NOVA2: variants seen among roughly 807,000 people sequenced by gnomAD.
The protein encoded by NOVA2 is NOVA alternative splicing regulator 2, also known as RNA-binding protein Nova-2.
In NOVA2, 9 loss-of-function variants were observed where a neutral mutation model predicts 22.5. That is an observed-to-expected ratio of 0.40 (90% confidence interval 0.24 to 0.70). The LOEUF (loss-of-function observed/expected upper bound fraction) is 0.70. Ranked by LOEUF, NOVA2 falls within the 30% of genes least tolerant of loss-of-function variation. The pLI, the probability that NOVA2 is intolerant of heterozygous loss-of-function variation, is 0.38. For synonymous variants in NOVA2, 318 were observed against 335.2 expected (o/e 0.95, Z 0.56); for missense variants, 383 against 682.8 (o/e 0.56, Z 4.89).
intron 2 of NOVA2, among the ~76,000 whole-genome samples, chr19:45,954,748 G>A (rs1054633761): frequency 2.4e-4 from 37 of 151,730 alleles, no homozygotes; most frequent in African/African-American, 9.0e-4. Flanking sequence ...GAGTGTTAGG[G>A]AGTGGGGGCA....
chr19:45,945,058 C>A (rs1347043296), intron 3 of NOVA2, among the ~76,000 whole-genome samples: 2 of 152,032 alleles, frequency 1.3e-5, no homozygotes, highest in Non-Finnish European at 2.9e-5. Context: ...TGTAATCCAG[C>A]ACTTTGGGAG....
chr19:45,964,843 G>A (rs1453082619), intron 1 of NOVA2, among the ~76,000 whole-genome samples: 2 of 152,122 alleles, frequency 1.3e-5, no homozygotes, highest in Non-Finnish European at 2.9e-5. Context: ...TTACAGGCGT[G>A]AGTCACCATG....
Position 45,940,678 on chromosome 19 carries a change from C to T in NOVA2, c.664G>A (p.Ala222Thr). 6.3e-7 allele frequency: 1 copy of T among 1,598,184 alleles called. No individual in the cohort carries two copies. The change falls in exon 4 of 4, where the codon GCC becomes ACC. Residue 222 changes from alanine (A) to threonine (T), a missense_variant. Transcript: ENST00000263257. ...GGAGAGCCGGTGGGGTTGGAGTTGG[C>T]CACGGGGCCTGCCACGTTGGCGTAG... Reference protein sequence around the residue: ...ISYANVAGPVANSNPTGSPYA... With the variant: ...ISYANVAGPVTNSNPTGSPYA...
intron 1 of NOVA2, among the ~76,000 whole-genome samples, chr19:45,966,342 T>C (rs530261190): frequency 3.4e-4 from 52 of 152,342 alleles, no homozygotes; most frequent in African/African-American, 1.3e-3. Flanking sequence ...TTCCAGTCCT[T>C]GGTTCAGGTG....
chr19:45,962,333 C>G (rs939039998), intron 1 of NOVA2: 1 of 152,746 alleles, frequency 6.5e-6, no homozygotes, highest in African/African-American at 2.4e-5. Context: ...CTCACAACCT[C>G]CCGGTGAGGC....
intron 3 of NOVA2, among the ~76,000 whole-genome samples, chr19:45,946,432 G>A (rs554246293): frequency 6.6e-6 from 1 of 152,328 alleles, no homozygotes; most frequent in African/African-American, 2.4e-5. Context: ...ATATTTTAGG[G>A]CAATTTGAAT....
chr19:45,961,523 CAGGAAA>C (rs1968096084), intron 1 of NOVA2, among the ~76,000 whole-genome samples: 1 of 150,958 alleles, frequency 6.6e-6, no homozygotes, highest in Admixed American at 6.6e-5. Context: ...ACAAAAAAGG[CAGGAAA>C]AGGGGGTCAG....
At chr19:45,960,010 G>A (rs1968071916) in intron 2 of NOVA2, among the ~76,000 whole-genome samples, 2 of 151,964 alleles carry the variant, frequency 1.3e-5, no homozygotes. Context: ...TCGGGCATTG[G>A]TCTTGGGAGG....
Position 45,936,184 on chromosome 19 carries a change from C to G in NOVA2, c.*3679G>C, listed in dbSNP as rs192509887. 6.6e-6 allele frequency: 1 copy of G among 152,164 alleles called. No homozygotes were observed. The highest frequency in any genetic ancestry group is 1.5e-5 in the Non-Finnish European group (1 of 68,026). 9.4% of individuals were successfully genotyped at this position (152,164 alleles called of 1,614,324 possible). On this transcript the variant is annotated 3_prime_UTR_variant, in exon 4 of 4. Transcript: ENST00000263257. ...CTCTTCTCATAGGAGCTTTGAGGTCCTTCTCTTGAATCCAGTTGGTACCGC... is the reference window on the plus strand; with the variant it reads ...CTCTTCTCATAGGAGCTTTGAGGTCGTTCTCTTGAATCCAGTTGGTACCGC...
In NOVA2 at chr19:45,934,165, C is replaced by A. The variant is rs1297484036; in HGVS notation, c.*5698G>T. On this transcript the variant is annotated 3_prime_UTR_variant, in exon 4 of 4. Coordinates refer to ENST00000263257, the MANE Select transcript of NOVA2 (RefSeq NM_002516.4). ...GGAGAACCAAGGGACCTTAGAGGTC[C>A]TCCAGTCCTCCCCATATTCCAAGAG... The A allele has an allele frequency of 2.0e-5, 3 of 152,168 alleles. No individual in the cohort carries two copies. The highest frequency in any genetic ancestry group is 4.4e-5 in the Non-Finnish European group (3 of 68,046). 9.4% of individuals were successfully genotyped at this position (152,168 alleles called of 1,614,324 possible).
At chr19:45,946,913 C>T (rs907574650) in intron 3 of NOVA2, among the ~76,000 whole-genome samples, 15 of 151,462 alleles carry the variant, frequency 9.9e-5, no homozygotes, top group East Asian at 7.8e-4. Context: ...ATTGTGTGTG[C>T]GCACGCGCAT....
chr19:45,971,222 T>C (rs1429606854), intron 1 of NOVA2, among the ~76,000 whole-genome samples: 1 of 152,162 alleles, frequency 6.6e-6, no homozygotes, highest in African/African-American at 2.4e-5. Flanking sequence ...TTAGCAGCAG[T>C]GGCATCAGTG....
At chr19:45,972,507 C>T (rs547440571) in intron 1 of NOVA2, among the ~76,000 whole-genome samples, 22 of 152,258 alleles carry the variant, frequency 1.4e-4, no homozygotes, top group African/African-American at 5.1e-4. Context: ...CTGCCACAGC[C>T]CCCTTGGGGG....
At position 45,944,460 on chromosome 19, in the gene NOVA2, AAAC is replaced by A. The variant is rs143895877; in HGVS notation, c.397-3518_397-3516del. Among the ~76,000 whole-genome samples the A allele has an allele frequency of 2.6e-3, 402 of 152,260 alleles. 3 individuals are homozygous for A. Among genetic ancestry groups the A allele is most frequent in the African/African-American group, 9.4e-3 (389 of 41,546 alleles). ...TGTTTCAAAAACAAAACAAAACAAA[AAAC>A]AAAAACAACAACAAAGAAGCAAAAA... On this transcript the variant is annotated intron_variant, in intron 3 of 3. Transcript: ENST00000263257.
intron 2 of NOVA2, among the ~76,000 whole-genome samples, chr19:45,958,450 ATGTG>A (rs1043202096): frequency 2.6e-4 from 37 of 144,330 alleles, no homozygotes; most frequent in Non-Finnish European, 4.5e-4. Context: ...ACGTGTGACA[ATGTG>A]TGTGTAAGCG....
At chr19:45,956,196 T>C (rs1968003574) in intron 2 of NOVA2, among the ~76,000 whole-genome samples, 1 of 151,000 alleles carries the variant, frequency 6.6e-6, no homozygotes, top group Non-Finnish European at 1.5e-5. Flanking sequence ...CAGCCTGCAG[T>C]CTGCCTCCGT....
Position 45,935,962 on chromosome 19 carries a change from G to A in NOVA2, c.*3901C>T, listed in dbSNP as rs1967646761. 6.6e-6 allele frequency: 1 copy of A among 152,190 alleles called. No individual in the cohort carries two copies. 9.4% of individuals were successfully genotyped at this position (152,190 alleles called of 1,614,324 possible). A position where few individuals can be genotyped will look rare whatever the true frequency, so the allele number is the denominator to read the frequency against. On this transcript the variant is annotated 3_prime_UTR_variant, in exon 4 of 4. Coordinates refer to ENST00000263257, the MANE Select transcript of NOVA2 (RefSeq NM_002516.4). The stretch of plus-strand genomic sequence containing the variant: ...GGATACCCATAATTCCCAACTACAA[G>A]TCCAGGGTAGGCGTTAGGGCAGATA...
chr19:45,950,391 C>T lies in NOVA2; in HGVS notation c.396+3389G>A, dbSNP rs532807832. Among the ~76,000 whole-genome samples, 6 of 152,184 alleles carry T rather than the reference C, an allele frequency of 3.9e-5. 1 individual carries two copies. In the Middle Eastern group the frequency reaches 0.017, roughly 431 times the overall value. On this transcript the variant is annotated intron_variant, in intron 3 of 3. Transcript: ENST00000263257. ...GGCCACGCTGGTCTCGAACTCCTGA[C>T]CTCAGGTGATCCACCCACCTCGGCC...
intron 3 of NOVA2, among the ~76,000 whole-genome samples, chr19:45,943,472 G>C (rs577806571): frequency 2.6e-5 from 4 of 151,534 alleles, no homozygotes; most frequent in African/African-American, 9.7e-5. Context: ...CCAGCACCTC[G>C]GGAGGCCAAG....
Sources: allele counts gnomAD v4.1 joint callset (sites outside exome capture counted in the v4.1 genomes callset), GRCh38; gene constraint gnomAD v4.1.1; transcripts MANE v1.5; gene names NCBI Gene and HGNC (gene_info 2026-07-23, HGNC 2026-07-21).